Variants in ZNF66 observed in about 807,000 individuals in gnomAD.
ZNF66 encodes putative zinc finger protein 66.
A neutral mutation model predicts 35.2 loss-of-function variants in ZNF66; 32 were observed. That is an observed-to-expected ratio of 0.91 (90% CI 0.69 to 1.22). The LOEUF (loss-of-function observed/expected upper bound fraction) is 1.22, where lower values mean the gene tolerates loss of function less well. Ranked by LOEUF, ZNF66 falls within the 50% of genes most tolerant of loss-of-function variation. The pLI, the probability that ZNF66 is intolerant of heterozygous loss-of-function variation, is 0.00. For synonymous variants in ZNF66, 231 were observed against 181.3 expected, an observed-to-expected ratio of 1.27 and a Z score of -2.20; for missense variants, 666 against 543.1, an observed-to-expected ratio of 1.23 and a Z score of -2.25.
At chr19:20,794,921 A>AAG (rs1441917616) in intron 3 of ZNF66, among the ~76,000 whole-genome samples, 2 of 148,562 alleles carry the variant, frequency 1.3e-5, no homozygotes, top group Non-Finnish European at 3.0e-5. Context: ...GCCCAGGCTA[A>AAG]AGTGCAATGG....
chr19:20,784,476 T>G (rs771963002), intron 1 of ZNF66: 6 of 152,182 alleles, frequency 3.9e-5, no homozygotes, highest in Non-Finnish European at 5.9e-5. Flanking sequence ...ATGTTCCTAT[T>G]ACAGGACAGA....
intron 1 of ZNF66, among the ~76,000 whole-genome samples, chr19:20,791,654 G>C (rs548036243): frequency 1.3e-5 from 2 of 151,924 alleles, no homozygotes; most frequent in Non-Finnish European, 2.9e-5. Flanking sequence ...TGTATTTTGA[G>C]GTTTGCATAA....
In ZNF66 at chr19:20,806,691, C is replaced by T; in HGVS notation, c.1091C>T (p.Thr364Ile). Residue 364 changes from threonine to isoleucine, a missense_variant, in exon 4 of 4, where the codon ACT (threonine) becomes ATT (isoleucine). Coordinates refer to ENST00000344519, the MANE Select transcript of ZNF66 (RefSeq NM_001355197.2). ...STLTKHKIIH[T>I]GEKPYKCEEC... Reference sequence around the variant, plus strand: ...CTTACTAAACATAAAATAATCCATACTGGAGAGAAACCCTACAAATGTGAA... The same window carrying T: ...CTTACTAAACATAAAATAATCCATATTGGAGAGAAACCCTACAAATGTGAA... 6.8e-7 allele frequency: 1 copy of T among 1,478,894 alleles called. No individual in the cohort carries two copies. The highest frequency in any genetic ancestry group is 9.4e-7 in the Non-Finnish European group (1 of 1,059,398). 91.6% of individuals were successfully genotyped at this position (1,478,894 alleles called of 1,614,324 possible). A position where few individuals can be genotyped will look rare whatever the true frequency, so the allele number is the denominator to read the frequency against.
intron 1 of ZNF66, among the ~76,000 whole-genome samples, chr19:20,789,178 G>C (rs1391998538): frequency 6.6e-6 from 1 of 152,190 alleles, no homozygotes; most frequent in Non-Finnish European, 1.5e-5. Context: ...TGGGATTTAA[G>C]TTTTTCTTTT....
rs35668100 is a variant in ZNF66, at chr19:20,808,066, G to C, written c.*744G>C. On this transcript the variant is annotated 3_prime_UTR_variant, in exon 4 of 4. Coordinates refer to ENST00000344519, the MANE Select transcript of ZNF66 (RefSeq NM_001355197.2). Reference sequence around the variant, plus strand: ...ATGGCACACCAGATTATATCCTGCAGCTGGCTCAGAGGGTCCTATGCCCAT... The same window carrying C: ...ATGGCACACCAGATTATATCCTGCACCTGGCTCAGAGGGTCCTATGCCCAT... Among the ~76,000 whole-genome samples the C allele has an allele frequency of 0.093, 14,177 of 152,056 alleles. 676 individuals are homozygous for C. Among genetic ancestry groups the C allele is most frequent in the Middle Eastern group, 0.11 (33 of 294 alleles).
rs2144927386 is a variant in ZNF66 at position 20,809,329 on chromosome 19, A to G, written c.*2007A>G. 6.6e-6 allele frequency among the ~76,000 whole-genome samples: 1 copy of G among 152,096 alleles called. No homozygotes were observed. The highest frequency in any genetic ancestry group is 1.5e-5 in the Non-Finnish European group (1 of 67,956). On this transcript the variant is annotated 3_prime_UTR_variant, in exon 4 of 4. Coordinates refer to ENST00000344519, the MANE Select transcript of ZNF66 (RefSeq NM_001355197.2). ...CATTCAGATTCAGGAAATACAGAGA[A>G]CGCCACAAAGATACTCCTTGAGAAG... is the stretch of plus-strand genomic sequence containing the variant.
chr19:20,794,507 G>A (rs1323121923), intron 3 of ZNF66: 1 of 151,582 alleles, frequency 6.6e-6, no homozygotes, highest in African/African-American at 2.4e-5. Context: ...TTAATAGGAA[G>A]ATTATTGAGT....
At position 20,776,342 on chromosome 19, in the gene ZNF66, C is replaced by G; in HGVS notation, c.-106C>G. On this transcript the variant is annotated 5_prime_UTR_variant, in exon 1 of 4. Coordinates refer to ENST00000344519, the MANE Select transcript of ZNF66 (RefSeq NM_001355197.2). The stretch of plus-strand genomic sequence containing the variant: ...GCTGGAGCTCCAGGTCGTCTGTTCA[C>G]TGCTCTCTGTCTTCTTCTCCTAGAG... 6.8e-7 allele frequency: 1 copy of G among 1,477,678 alleles called. No homozygotes were observed. Among genetic ancestry groups the G allele is most frequent in the Middle Eastern group, 1.7e-4 (1 of 5,766 alleles). 91.5% of individuals were successfully genotyped at this position (1,477,678 alleles called of 1,614,324 possible).
chr19:20,782,821 CTT>C (rs145530196), intron 1 of ZNF66, among the ~76,000 whole-genome samples: 25,885 of 151,972 alleles, frequency 0.17, 2,510 homozygotes, highest in African/African-American at 0.26. Context: ...TGTAGGTTGT[CTT>C]TTTCCTCTGT....
intron 1 of ZNF66, among the ~76,000 whole-genome samples, chr19:20,790,367 C>G (rs1432665457): frequency 8.0e-6 from 1 of 125,132 alleles, no homozygotes; most frequent in South Asian, 2.6e-4. Flanking sequence ...AAAATACATT[C>G]ATGAGAGTTA....
Position 20,806,249 on chromosome 19 carries a change from A to G in ZNF66, c.649A>G (p.Thr217Ala). The change falls in exon 4 of 4, where the codon ACT becomes GCT. Residue 217 changes from threonine to alanine, a missense_variant. Thr to Ala is a moderately conservative substitution (Grantham distance 58). Transcript: ENST00000344519. ...AGCCTTCAACCGGTCCTCACACCTT[A>G]CTACACATAAGATAATTCATACTGG... ...GKAFNRSSHL[T>A]THKIIHTGEK... is the part of the protein sequence containing the mutation. The G allele has an allele frequency of 1.4e-6, 2 of 1,446,562 alleles. No homozygotes were observed. The highest frequency in any genetic ancestry group is 1.9e-6 in the Non-Finnish European group (2 of 1,028,114). The allele number at this position is 1,446,562 out of a possible 1,614,324, so 89.6% of individuals were successfully genotyped here.
intron 1 of ZNF66, among the ~76,000 whole-genome samples, chr19:20,783,760 A>C (rs964608370): frequency 1.3e-4 from 20 of 152,228 alleles, no homozygotes; most frequent in African/African-American, 4.1e-4. Flanking sequence ...TCAACAGTGG[A>C]ATCTGTAGTT....
rs1488916255 is a variant in ZNF66, at chr19:20,809,777, G to A, written c.*2455G>A. Among the ~76,000 whole-genome samples, 2 of 151,482 alleles carry A rather than the reference G, an allele frequency of 1.3e-5. No individual in the cohort carries two copies. The highest frequency in any genetic ancestry group is 2.9e-5 in the Non-Finnish European group (2 of 67,886). On this transcript the variant is annotated 3_prime_UTR_variant, in exon 4 of 4. Transcript: ENST00000344519. ...CTAGGAAGAAACTGCATGAACTAAC[G>A]AGCAAAATAACCAGCTAACATCATA...
At chr19:20,784,446 T>C (rs778580875) in intron 1 of ZNF66, 14 of 152,214 alleles carry the variant, frequency 9.2e-5, no homozygotes, top group Non-Finnish European at 1.6e-4. Context: ...TTTAGGTATC[T>C]TTTATTTCAC....
chr19:20,805,423 A>C (rs1267316760), intron 3 of ZNF66, among the ~76,000 whole-genome samples: 1 of 152,068 alleles, frequency 6.6e-6, no homozygotes, highest in Non-Finnish European at 1.5e-5. Context: ...TGAACTCCTG[A>C]CCTCATGATC....
chr19:20,803,133 GT>G (rs1971465439), intron 3 of ZNF66, among the ~76,000 whole-genome samples: 1 of 151,916 alleles, frequency 6.6e-6, no homozygotes, highest in Admixed American at 6.6e-5. Flanking sequence ...ACTGACTCTT[GT>G]AAAAAGGCAA....
chr19:20,805,354 G>A (rs1224088686), intron 3 of ZNF66, among the ~76,000 whole-genome samples: 4 of 152,084 alleles, frequency 2.6e-5, no homozygotes, highest in Non-Finnish European at 4.4e-5. Context: ...CACCATGCCT[G>A]TCTAGTTTTT....
rs1403218520 is a variant in ZNF66, at chr19:20,791,924, G to T, written c.4-588G>T. The stretch of plus-strand genomic sequence containing the variant: ...CAAACAATCATTTAATCTGGCAGCT[G>T]TTCTTTTTTCTTTTTTTCTACATAT... On this transcript the variant is annotated intron_variant, in intron 1 of 3. Transcript: ENST00000344519. Among the ~76,000 whole-genome samples, 3 of 151,940 alleles carry T rather than the reference G, an allele frequency of 2.0e-5. 1 individual carries two copies. The highest frequency in any genetic ancestry group is 4.4e-5 in the Non-Finnish European group (3 of 68,004).
Position 20,806,944 on chromosome 19 carries a change from T to C in ZNF66, c.1344T>C (p.Thr448=). Residue 448 remains threonine, a synonymous_variant, in exon 4 of 4, where the codon ACT becomes ACC. Transcript: ENST00000344519. The stretch of plus-strand genomic sequence containing the variant: ...TTACTACACATAAGATAATTCACAC[T>C]GGAGAGAAACCCTACGAATGTGAAG... ...SILTTHKIIH[T]GEKPYECEDC... is the part of the protein sequence containing the mutation. The C allele has an allele frequency of 2.6e-6, 3 of 1,161,924 alleles. No homozygotes were observed. Among genetic ancestry groups the C allele is most frequent in the Non-Finnish European group, 3.9e-6 (3 of 769,112 alleles). The allele number at this position is 1,161,924 out of a possible 1,614,324, so 72.0% of individuals were successfully genotyped here.
Sources: allele counts gnomAD v4.1 joint callset (sites outside exome capture counted in the v4.1 genomes callset), GRCh38; gene constraint gnomAD v4.1.1; transcripts MANE v1.5; gene names NCBI Gene and HGNC (gene_info 2026-07-23, HGNC 2026-07-21).